MAGI2: variants seen among roughly 807,000 people sequenced by gnomAD.
MAGI2 encodes the protein membrane associated guanylate kinase, WW and PDZ domain containing 2.
MAGI2 carries 35 observed loss-of-function variants against 133.3 expected under a neutral mutation model. The ratio of observed to expected loss-of-function variants is 0.26; its 90% CI spans 0.20 to 0.35. The LOEUF is 0.35. Among genes scored for constraint, MAGI2 ranks in the 10% least tolerant of loss-of-function variants. The pLI, the probability that MAGI2 is intolerant of heterozygous loss-of-function variation, is 1.00. For missense variants in MAGI2, 1,636 were observed against 1,863.4 expected, an observed-to-expected ratio of 0.88 and a Z score of 2.25; for synonymous variants, 729 against 710.6, an observed-to-expected ratio of 1.03 and a Z score of -0.41.
intron 1 of MAGI2, among the ~76,000 whole-genome samples, chr7:79,383,425 A>T (rs550430696): frequency 6.6e-6 from 1 of 151,786 alleles, no homozygotes; most frequent in East Asian, 1.9e-4. Context: ...TAGTTAATAC[A>T]GGTATAAAAT....
intron 20 of MAGI2, among the ~76,000 whole-genome samples, chr7:78,096,066 G>A: frequency 6.6e-6 from 1 of 152,152 alleles, no homozygotes; most frequent in Non-Finnish European, 1.5e-5. Flanking sequence ...TGTATAACAT[G>A]TTTATTCTTA....
chr7:79,176,390 T>C (rs1032287360), intron 1 of MAGI2, among the ~76,000 whole-genome samples: 2 of 151,992 alleles, frequency 1.3e-5, no homozygotes, highest in Non-Finnish European at 2.9e-5. Context: ...AGGCCTGCAC[T>C]GCAGTTTCAC....
chr7:78,829,886 G>A (rs1181088029), intron 2 of MAGI2, among the ~76,000 whole-genome samples: 5 of 151,868 alleles, frequency 3.3e-5, no homozygotes, highest in Non-Finnish European at 5.9e-5. Context: ...AATGTTGTAC[G>A]ACTCAACTAA....
intron 1 of MAGI2, chr7:79,412,429 C>A (rs999408674): frequency 1.6e-4 from 24 of 152,104 alleles, no homozygotes; most frequent in African/African-American, 5.1e-4. Flanking sequence ...CCTGATGCTG[C>A]AGAAATGTAG....
chr7:78,648,787 C>G (rs1811183206), intron 2 of MAGI2, among the ~76,000 whole-genome samples: 1 of 151,870 alleles, frequency 6.6e-6, no homozygotes, highest in Non-Finnish European at 1.5e-5. Context: ...TAATTCCTAT[C>G]TATTCTGAAA....
At chr7:78,496,127 T>A (rs1794067342) in intron 5 of MAGI2, among the ~76,000 whole-genome samples, 1 of 152,186 alleles carries the variant, frequency 6.6e-6, no homozygotes, top group Non-Finnish European at 1.5e-5. Context: ...GGTAATTTAA[T>A]TAAAACTTAA....
chr7:78,555,129 G>A (rs1584612893), intron 3 of MAGI2, among the ~76,000 whole-genome samples: 2 of 134,712 alleles, frequency 1.5e-5, no homozygotes, highest in East Asian at 4.7e-4. Flanking sequence ...GTGAGGCACT[G>A]TCAGAAATAA....
At chr7:78,783,334 G>C (rs1826545961) in intron 2 of MAGI2, among the ~76,000 whole-genome samples, 1 of 152,000 alleles carries the variant, frequency 6.6e-6, no homozygotes, top group African/African-American at 2.4e-5. Context: ...AATCTGAAAT[G>C]ACCAGTCGGA....
At chr7:78,119,277 C>T (rs1331158350) in intron 20 of MAGI2, among the ~76,000 whole-genome samples, 1 of 151,984 alleles carries the variant, frequency 6.6e-6, no homozygotes, top group Non-Finnish European at 1.5e-5. Context: ...TGTACGACAC[C>T]GGCCGGGGGC....
At chr7:79,249,097 C>T (rs955101298) in intron 1 of MAGI2, among the ~76,000 whole-genome samples, 3 of 152,052 alleles carry the variant, frequency 2.0e-5, no homozygotes, top group Admixed American at 6.6e-5. Flanking sequence ...CTCCTGACCT[C>T]AGGTCATCCC....
intron 6 of MAGI2, among the ~76,000 whole-genome samples, chr7:78,427,659 C>CAA (rs1166524882): frequency 0.034 from 2,335 of 69,432 alleles, 45 homozygotes; most frequent in Middle Eastern, 0.11. Flanking sequence ...AACAAAAAGA[C>CAA]AAAAAAAAAA....
At chr7:78,832,704 G>T (rs1306175840) in intron 2 of MAGI2, among the ~76,000 whole-genome samples, 1 of 152,188 alleles carries the variant, frequency 6.6e-6, no homozygotes, top group African/African-American at 2.4e-5. Flanking sequence ...CGGAATAAAA[G>T]ATGAAATGCT....
At chr7:78,509,886 GT>G (rs1272792528) in intron 4 of MAGI2, among the ~76,000 whole-genome samples, 4 of 152,104 alleles carry the variant, frequency 2.6e-5, no homozygotes, top group Admixed American at 2.6e-4. Context: ...TAATTGATTT[GT>G]TTTTAAGGTA....
At chr7:78,138,161 C>T (rs1822360153) in intron 16 of MAGI2, among the ~76,000 whole-genome samples, 2 of 152,208 alleles carry the variant, frequency 1.3e-5, no homozygotes, top group South Asian at 4.1e-4. Flanking sequence ...TTTTCTGGCT[C>T]TGATCTCTAA....
At chr7:78,771,703 C>T (rs960080611) in intron 2 of MAGI2, among the ~76,000 whole-genome samples, 2 of 151,890 alleles carry the variant, frequency 1.3e-5, no homozygotes, top group African/African-American at 2.4e-5. Context: ...TCAAATTGGT[C>T]TTTTCTTTGA....
chr7:78,108,033 A>G (rs1433694871), intron 20 of MAGI2, among the ~76,000 whole-genome samples: 1 of 151,414 alleles, frequency 6.6e-6, no homozygotes, highest in Non-Finnish European at 1.5e-5. Flanking sequence ...TGATTTTGTC[A>G]TGCTTTTCTA....
intron 9 of MAGI2, among the ~76,000 whole-genome samples, chr7:78,261,284 T>A (rs1793494539): frequency 6.6e-6 from 1 of 152,268 alleles, no homozygotes; most frequent in South Asian, 2.1e-4. Flanking sequence ...GTTACTTGCC[T>A]CTAGTTAAAT....
chr7:79,103,403 T>C (rs1818162268), intron 1 of MAGI2, among the ~76,000 whole-genome samples: 1 of 152,040 alleles, frequency 6.6e-6, no homozygotes, highest in Non-Finnish European at 1.5e-5. Context: ...AGCTCTGGGG[T>C]GTACAGATGA....
intron 1 of MAGI2, among the ~76,000 whole-genome samples, chr7:79,128,297 C>T (rs1017635944): frequency 1.3e-5 from 2 of 151,962 alleles, no homozygotes; most frequent in Non-Finnish European, 2.9e-5. Context: ...TCTTCCTTAC[C>T]AGACATGTCA....
Sources: gnomAD v4.1 joint callset for allele counts (sites outside exome capture counted in the v4.1 genomes callset) on GRCh38, gnomAD v4.1.1 for gene constraint, MANE v1.5 for transcripts, NCBI Gene and HGNC (gene_info 2026-07-23, HGNC 2026-07-21) for gene names.